The following MAP3K13 variants were observed in gnomAD, a reference collection of about 807,000 sequenced individuals.
MAP3K13 encodes mitogen-activated protein kinase kinase kinase 13.
Under a neutral mutation model 104.0 loss-of-function variants are expected in MAP3K13, and 52 were observed. That is an observed-to-expected ratio of 0.50 (90% confidence interval 0.40 to 0.63). The LOEUF (loss-of-function observed/expected upper bound fraction) is 0.63, where lower values mean the gene tolerates loss of function less well. Among genes scored for constraint, MAP3K13 ranks in the 20% least tolerant of loss-of-function variants. The pLI, the probability that MAP3K13 is intolerant of heterozygous loss-of-function variation, is 0.00. For synonymous variants in MAP3K13, 394 were observed against 442.2 expected (o/e 0.89, Z 1.37); for missense variants, 914 against 1,218.5 (o/e 0.75, Z 3.72).
chr3:185,424,175 G>T (rs118047317), intron 1 of MAP3K13, among the ~76,000 whole-genome samples: 3 of 152,098 alleles, frequency 2.0e-5, no homozygotes, highest in Admixed American at 6.6e-5. Flanking sequence ...ATTTCATCCC[G>T]GCTCTGTGAC....
Position 185,423,253 on chromosome 3 carries a change from A to T in MAP3K13, c.-85-5244A>T, listed in dbSNP as rs1177776175. On this transcript the variant is annotated intron_variant, in intron 1 of 13. Transcript: ENST00000265026. This position sits in a 1 kb window ranked among gnomAD's most constrained non-coding sequence, Gnocchi z 4.1. ...CCATCCCCCCTGCCTGGTCCGTGGA[A>T]GTAGTGTCTTCCACAAAACTGGTCC... Among the ~76,000 whole-genome samples the T allele has an allele frequency of 2.6e-5, 4 of 152,190 alleles. No individual in the cohort carries two copies. The highest frequency in any genetic ancestry group is 4.4e-5 in the Non-Finnish European group (3 of 68,034).
intron 10 of MAP3K13, among the ~76,000 whole-genome samples, chr3:185,469,480 C>G (rs1039171918): frequency 5.9e-5 from 9 of 152,188 alleles, no homozygotes; most frequent in African/African-American, 2.2e-4. Context: ...GAACAAAGTG[C>G]TTTCTGCAGT....
chr3:185,300,432 C>T (rs1184612368), intron 2 of MAP3K13, among the ~76,000 whole-genome samples: 1 of 151,978 alleles, frequency 6.6e-6, no homozygotes, highest in Non-Finnish European at 1.5e-5. Flanking sequence ...CCTTGGCCTC[C>T]CAAAGTGCTG....
chr3:185,378,399 A>G (rs1724541381), intron 1 of MAP3K13, among the ~76,000 whole-genome samples: 1 of 152,162 alleles, frequency 6.6e-6, no homozygotes, highest in Admixed American at 6.5e-5. Context: ...CTGATTTGGG[A>G]TAAAGAAAAA....
At chr3:185,299,067 G>A (rs1273921616) in intron 2 of MAP3K13, among the ~76,000 whole-genome samples, 1 of 152,204 alleles carries the variant, frequency 6.6e-6, no homozygotes, top group Non-Finnish European at 1.5e-5. Flanking sequence ...TGTTTAGGAT[G>A]TAGAATGTTG....
rs1468198808 is a variant in MAP3K13 at position 185,487,414 on chromosome 3, CT to C, written c.*4961del. ...ACTCTGGGCTCTAGCGATCCTCCTG[CT>C]TTGGCCTCCCAAAGTACTGGGATTA... is the stretch of plus-strand genomic sequence containing the variant. On this transcript the variant is annotated 3_prime_UTR_variant, in exon 14 of 14. Transcript: ENST00000265026. The C allele has an allele frequency of 6.6e-6, 1 of 151,800 alleles. No individual in the cohort carries two copies. Among genetic ancestry groups the C allele is most frequent in the Non-Finnish European group, 1.5e-5 (1 of 68,040 alleles). 9.4% of individuals were successfully genotyped at this position (151,800 alleles called of 1,614,324 possible). A position where few individuals can be genotyped will look rare whatever the true frequency, so the allele number is the denominator to read the frequency against.
At position 185,455,563 on chromosome 3, in the gene MAP3K13, A is replaced by ACATATATATCATATATAT. The variant is rs1217413167; in HGVS notation, c.1278+4168_1278+4169insCATATATATCATATATAT. ...ATATGACATATATATGATATATATG[A>ACATATATATCATATATAT]GATATATATGACATATATATGATAT... On this transcript the variant is annotated intron_variant, in intron 7 of 13. Transcript: ENST00000265026. Among the ~76,000 whole-genome samples the ACATATATATCATATATAT allele has an allele frequency of 4.0e-3, 74 of 18,346 alleles. 14 individuals carry two copies. Among genetic ancestry groups the ACATATATATCATATATAT allele is most frequent in the South Asian group, 0.012 (7 of 574 alleles). The allele number at this position is 18,346 out of a possible 152,430, so 12.0% of individuals were successfully genotyped here.
At chr3:185,416,256 A>G (rs115664580) in intron 1 of MAP3K13, among the ~76,000 whole-genome samples, 1,640 of 152,188 alleles carry the variant, frequency 0.011, 41 homozygotes, top group African/African-American at 0.037. Context: ...GGAAAAGCTT[A>G]CTTGTCTTTT....
chr3:185,390,062 T>C (rs1711952629), intron 1 of MAP3K13, among the ~76,000 whole-genome samples: 1 of 152,258 alleles, frequency 6.6e-6, no homozygotes, highest in Middle Eastern at 3.4e-3. Context: ...ACTGTCTACT[T>C]GTGAGAGAAT....
At chr3:185,343,673 G>C (rs574229177) in intron 2 of MAP3K13, among the ~76,000 whole-genome samples, 1 of 152,082 alleles carries the variant, frequency 6.6e-6, no homozygotes, top group South Asian at 2.1e-4. Flanking sequence ...GGATGGTCTC[G>C]ATCTCTTGAC....
chr3:185,429,650 A>C (rs543422406), intron 2 of MAP3K13, among the ~76,000 whole-genome samples: 1 of 152,196 alleles, frequency 6.6e-6, no homozygotes, highest in South Asian at 2.1e-4. Flanking sequence ...AATAAAAATA[A>C]ATTTTAAAAA....
At chr3:185,480,021 T>G (rs1163997840) in intron 12 of MAP3K13, 2 of 599,864 alleles carry the variant, frequency 3.3e-6, no homozygotes, top group Non-Finnish European at 5.9e-6. Context: ...GCACTGGTAT[T>G]AGGGCCTCAA....
In MAP3K13 at chr3:185,483,006, A is replaced by C. The variant is rs560619255; in HGVS notation, c.*550A>C. 2 of 231,834 alleles carry C rather than the reference A, an allele frequency of 8.6e-6. No homozygotes were observed. The highest frequency in any genetic ancestry group is 1.2e-4 in the East Asian group (2 of 16,326). The allele number at this position is 231,834 out of a possible 1,614,324, so 14.4% of individuals were successfully genotyped here. Reference sequence around the variant, plus strand: ...TTTAGAACACAAAGAACAGCAAAAGAAAAGCAATTCCAGGCAACTTGTGAA... The same window carrying C: ...TTTAGAACACAAAGAACAGCAAAAGCAAAGCAATTCCAGGCAACTTGTGAA... On this transcript the variant is annotated 3_prime_UTR_variant, in exon 14 of 14. Transcript: ENST00000265026.
intron 2 of MAP3K13, among the ~76,000 whole-genome samples, chr3:185,307,980 T>A (rs1376960394): frequency 6.6e-6 from 1 of 151,430 alleles, no homozygotes; most frequent in African/African-American, 2.4e-5. Context: ...CTTTGTCTGG[T>A]GATTCATAGA....
intron 1 of MAP3K13, among the ~76,000 whole-genome samples, chr3:185,424,083 G>C (rs148099763): frequency 6.6e-6 from 1 of 152,326 alleles, no homozygotes; most frequent in African/African-American, 2.4e-5. Context: ...AGTAGTCTGT[G>C]AGCTTCAACA....
At chr3:185,425,683 G>T (rs1714369361) in intron 1 of MAP3K13, among the ~76,000 whole-genome samples, 1 of 152,084 alleles carries the variant, frequency 6.6e-6, no homozygotes, top group Admixed American at 6.5e-5. Context: ...TGTCATACAG[G>T]CCTACCATAA....
exon 2 of MAP3K13, chr3:185,285,631 C>G: frequency 2.6e-6 from 4 of 1,535,126 alleles, no homozygotes; most frequent in Non-Finnish European, 3.5e-6. Flanking sequence ...CAAATCCTAG[C>G]ACTCTGGGAG....
chr3:185,353,807 T>C (rs1051955284), intron 2 of MAP3K13, among the ~76,000 whole-genome samples: 2 of 152,222 alleles, frequency 1.3e-5, no homozygotes, highest in African/African-American at 4.8e-5. Flanking sequence ...CTTGGGGGAA[T>C]TGTCCCTGCT....
rs928484722 is a variant in MAP3K13 at position 185,484,875 on chromosome 3, A to G, written c.*2419A>G. 5 of 152,156 alleles carry G rather than the reference A, an allele frequency of 3.3e-5. No individual in the cohort carries two copies. The highest frequency in any genetic ancestry group is 1.2e-4 in the African/African-American group (5 of 41,426). The allele number at this position is 152,156 out of a possible 1,614,324, so 9.4% of individuals were successfully genotyped here. A position where few individuals can be genotyped will look rare whatever the true frequency, so the allele number is the denominator to read the frequency against. On this transcript the variant is annotated 3_prime_UTR_variant, in exon 14 of 14. Transcript: ENST00000265026. ...TGGTTGTGTTTATTGCTAACCAGGA[A>G]TTATTATGGATTTTATGATTTTAAT... is the stretch of plus-strand genomic sequence containing the variant.
Sources: allele counts gnomAD v4.1 joint callset (sites outside exome capture counted in the v4.1 genomes callset), GRCh38; gene constraint gnomAD v4.1.1; non-coding constraint Gnocchi (gnomAD v3.1); transcripts MANE v1.5; gene names NCBI Gene and HGNC (gene_info 2026-07-23, HGNC 2026-07-21).